GREP1: variants seen among roughly 807,000 people sequenced by gnomAD.
The protein encoded by GREP1 is glycine rich extracellular protein 1.
chr16:2,993,764 C>G (rs2072410525), intron 10 of GREP1: 1 of 151,914 alleles, frequency 6.6e-6, no homozygotes, highest in East Asian at 1.9e-4. Flanking sequence ...TCAAGACCAT[C>G]CCGGCTAACA....
intron 2 of GREP1, chr16:2,988,864 G>A (rs2072384523): frequency 2.6e-6 from 1 of 391,386 alleles, no homozygotes; most frequent in Admixed American, 4.5e-5. Context: ...GGCAGGCTGA[G>A]AAGGGTGGGC....
chr16:3,001,138 C>T (rs1035640991), intron 33 of GREP1, 143 bp from the exon 28 acceptor site: 2 of 397,852 alleles, frequency 5.0e-6, no homozygotes, highest in East Asian at 3.6e-5. Context: ...GTCCCTCTCC[C>T]CCCGGTCCTC....
chr16:2,991,955 C>T lies in GREP1; in HGVS notation c.323-850C>T, dbSNP rs2072401423. On this transcript the variant is annotated intron_variant, in intron 8 of 34. Transcript: ENST00000573315. The surrounding 1 kb of genome is among the most constrained non-coding windows in gnomAD (Gnocchi z 4.9). ...TCTGGGGGCTCCAGGGAGCTGCAGC[C>T]TCCTTTACCTGGTCTCTCTCTCTAT... 1 of 152,530 alleles carries T rather than the reference C, an allele frequency of 6.6e-6. No individual in the cohort carries two copies. The highest frequency in any genetic ancestry group is 6.5e-5 in the Admixed American group (1 of 15,288). The allele number at this position is 152,530 out of a possible 1,614,324, so 9.4% of individuals were successfully genotyped here. A position where few individuals can be genotyped will look rare whatever the true frequency, so the allele number is the denominator to read the frequency against.
Position 2,989,687 on chromosome 16 carries a change from G to C in GREP1, c.130+135G>C. Reference sequence around the variant, plus strand: ...GTCGTCTCAGAAATACATGGGGACAGAGCATAGCCCCAGAGTGTCCCCCAG... The same window carrying C: ...GTCGTCTCAGAAATACATGGGGACACAGCATAGCCCCAGAGTGTCCCCCAG... On this transcript the variant is annotated intron_variant, in intron 3 of 34. Coordinates refer to ENST00000573315, the Ensembl canonical transcript of GREP1. This position sits in a 1 kb window ranked among gnomAD's most constrained non-coding sequence, Gnocchi z 4.2. The C allele has an allele frequency of 2.5e-6, 1 of 399,386 alleles. No individual in the cohort carries two copies. The allele number at this position is 399,386 out of a possible 1,614,324, so 24.7% of individuals were successfully genotyped here.
Position 2,991,452 on chromosome 16 carries a change from G to A in GREP1, c.322+351G>A. The A allele has an allele frequency of 4.3e-6, 1 of 233,324 alleles. No homozygotes were observed. Among genetic ancestry groups the A allele is most frequent in the Non-Finnish European group, 8.2e-6 (1 of 121,556 alleles). 14.5% of individuals were successfully genotyped at this position (233,324 alleles called of 1,614,324 possible). ...AACCCCACCAGGTGAGGGTGGCTGG[G>A]CAGGGGCCGCAGGGAGGGGCGGGCA... On this transcript the variant is annotated intron_variant, in intron 8 of 34. Transcript: ENST00000573315. The surrounding 1 kb of genome is among the most constrained non-coding windows in gnomAD (Gnocchi z 4.9).
chr16:2,993,155 A>T (rs2072407370), intron 10 of GREP1, 192 bp downstream of exon 11: 1 of 384,178 alleles, frequency 2.6e-6, no homozygotes, highest in South Asian at 1.5e-4. Context: ...GGGAGCATGG[A>T]GGTCTTAGGG....
rs991397914 is a variant in GREP1, at chr16:2,989,474, C to T, written c.101-49C>T. On this transcript the variant is annotated intron_variant, in intron 2 of 34. Coordinates refer to ENST00000573315, the Ensembl canonical transcript of GREP1. This position sits in a 1 kb window ranked among gnomAD's most constrained non-coding sequence, Gnocchi z 4.2. Reference sequence around the variant, plus strand: ...GTGCTTGGGGAGGGTGGCACACCGGCTCCCAGCTGCTCCAGCACCCCGGGC... The same window carrying T: ...GTGCTTGGGGAGGGTGGCACACCGGTTCCCAGCTGCTCCAGCACCCCGGGC... 5.3e-5 allele frequency: 21 copies of T among 399,132 alleles called. No individual in the cohort carries two copies. In the Admixed American group the frequency reaches 6.6e-4, roughly 13 times the overall value. 24.7% of individuals were successfully genotyped at this position (399,132 alleles called of 1,614,324 possible).
chr16:2,991,469 G>A lies in GREP1; in HGVS notation c.322+368G>A, dbSNP rs540276986. 2.9e-4 allele frequency: 59 copies of A among 205,720 alleles called. No homozygotes were observed. The highest frequency in any genetic ancestry group is 1.2e-3 in the African/African-American group (52 of 43,556). The allele number at this position is 205,720 out of a possible 1,614,324, so 12.7% of individuals were successfully genotyped here. On this transcript the variant is annotated intron_variant, in intron 8 of 34. Coordinates refer to ENST00000573315, the Ensembl canonical transcript of GREP1. The surrounding 1 kb of genome is among the most constrained non-coding windows in gnomAD (Gnocchi z 4.9). Reference sequence around the variant, plus strand: ...GTGGCTGGGCAGGGGCCGCAGGGAGGGGCGGGCAGGAGGGTTTAGGGTCCC... The same window carrying A: ...GTGGCTGGGCAGGGGCCGCAGGGAGAGGCGGGCAGGAGGGTTTAGGGTCCC...
intron 21 of GREP1, chr16:2,997,310 C>G (rs1412273974): frequency 2.5e-6 from 1 of 398,514 alleles, no homozygotes; most frequent in Non-Finnish European, 4.4e-6. Flanking sequence ...TGACTTGGCT[C>G]TGAAAGGGGA....
chr16:2,997,936 A>G (rs1596462812), intron 23 of GREP1, 101 bp downstream of exon 21: 2 of 397,936 alleles, frequency 5.0e-6, no homozygotes, highest in Middle Eastern at 6.3e-4. Context: ...ATGGTGCAAG[A>G]ACGGGCTGGA....
At chr16:2,996,770 C>T (rs969381601) in intron 20 of GREP1, 65 bp downstream of exon 19, 15 of 398,612 alleles carry the variant, frequency 3.8e-5, no homozygotes, top group Non-Finnish European at 5.3e-5. Flanking sequence ...GCTGGGTCTG[C>T]GTGGGACTCC....
chr16:3,000,093 T>C, exon 29 of GREP1: 1 of 399,032 alleles, frequency 2.5e-6, no homozygotes, highest in Non-Finnish European at 4.4e-6. Context: ...CAGGTTTTAA[T>C]GGTGGCCTCG....
At chr16:2,996,781 C>T (rs1332283714) in intron 20 of GREP1, 76 bp downstream of exon 19, 1 of 398,788 alleles carries the variant, frequency 2.5e-6, no homozygotes, top group Non-Finnish European at 4.4e-6. Context: ...GTGGGACTCC[C>T]AGGGGAGGGG....
rs372299890 is a variant in GREP1 at position 2,991,114 on chromosome 16, CG to C, written c.322+16del. 9 of 399,044 alleles carry C rather than the reference CG, an allele frequency of 2.3e-5. No homozygotes were observed. The highest frequency in any genetic ancestry group is 4.0e-5 in the Non-Finnish European group (9 of 226,290). The allele number at this position is 399,044 out of a possible 1,614,324, so 24.7% of individuals were successfully genotyped here. A position where few individuals can be genotyped will look rare whatever the true frequency, so the allele number is the denominator to read the frequency against. ...GGAGCCCAGTCAGGTGAGGAAACGT[CG>C]GGTGTGGCAGGACCTGGGCTTCCAG... On this transcript the variant is annotated intron_variant, in intron 8 of 34. Transcript: ENST00000573315. This position sits in a 1 kb window ranked among gnomAD's most constrained non-coding sequence, Gnocchi z 4.9.
At position 2,992,714 on chromosome 16, in the gene GREP1, ACGC is replaced by A; in HGVS notation, c.323-90_323-88del. 2.5e-6 allele frequency: 1 copy of A among 398,020 alleles called. No homozygotes were observed. The highest frequency in any genetic ancestry group is 4.4e-6 in the Non-Finnish European group (1 of 225,726). 24.7% of individuals were successfully genotyped at this position (398,020 alleles called of 1,614,324 possible). A position where few individuals can be genotyped will look rare whatever the true frequency, so the allele number is the denominator to read the frequency against. ...GACAGAAAGGCAGAGGGCAGGGGTC[ACGC>A]GAGACAGAAAGGGAGAGGGCAGGGC... On this transcript the variant is annotated intron_variant, in intron 8 of 34. Transcript: ENST00000573315. This position sits in a 1 kb window ranked among gnomAD's most constrained non-coding sequence, Gnocchi z 4.9.
chr16:2,994,549 G>A (rs62034561), intron 10 of GREP1, 149 bp from the exon 12 acceptor site: 15,026 of 397,834 alleles, frequency 0.038, 625 homozygotes, highest in African/African-American at 0.14. Context: ...AGATGTGGCA[G>A]GAGCTGGAGC....
Position 2,995,578 on chromosome 16 carries a change from A to G in GREP1, c.554-41A>G, listed in dbSNP as rs1003748478. 3.5e-5 allele frequency: 14 copies of G among 397,910 alleles called. 1 individual carries two copies. In the Admixed American group the frequency reaches 5.3e-4, roughly 15 times the overall value. 24.6% of individuals were successfully genotyped at this position (397,910 alleles called of 1,614,324 possible). A position where few individuals can be genotyped will look rare whatever the true frequency, so the allele number is the denominator to read the frequency against. On this transcript the variant is annotated intron_variant, in intron 15 of 34. Coordinates refer to ENST00000573315, the Ensembl canonical transcript of GREP1. ...CCAGGATTCCCTTACCTCCACCTCA[A>G]CCAAACCCCAAATCCCCACCCCACC...
At position 3,000,361 on chromosome 16, in the gene GREP1, G is replaced by A. The variant is rs1238686152; in HGVS notation, c.1327+7G>A. 17 of 399,108 alleles carry A rather than the reference G, an allele frequency of 4.3e-5. No homozygotes were observed. In the East Asian group the frequency reaches 5.7e-4, roughly 13 times the overall value. The allele number at this position is 399,108 out of a possible 1,614,324, so 24.7% of individuals were successfully genotyped here. A position where few individuals can be genotyped will look rare whatever the true frequency, so the allele number is the denominator to read the frequency against. On this transcript the variant is annotated splice_region_variant and intron_variant, in intron 30 of 34. Transcript: ENST00000573315. ...GAGGCCCACCCACAGCCAGGTGCCT[G>A]GGGAGCAGGGGTCGGGGTGGGAGAG...
intron 22 of GREP1, chr16:2,997,435 G>A (rs377351715): frequency 1.5e-5 from 6 of 398,988 alleles, no homozygotes. Context: ...GGGGGCTGGA[G>A]TTGCTGGGAG....
Sources: allele counts gnomAD v4.1 joint callset, GRCh38; gene constraint gnomAD v4.1.1; non-coding constraint Gnocchi (gnomAD v3.1); transcripts MANE v1.5; gene names NCBI Gene and HGNC (gene_info 2026-07-23, HGNC 2026-07-21).